KIF3A: variants seen among roughly 807,000 people sequenced by gnomAD.
KIF3A encodes the protein kinesin family member 3A.
A neutral mutation model predicts 92.6 loss-of-function variants in KIF3A; 27 were observed. The ratio of observed to expected loss-of-function variants is 0.29; its 90% confidence interval spans 0.21 to 0.40. The LOEUF (loss-of-function observed/expected upper bound fraction) is 0.40, where lower values mean the gene tolerates loss of function less well. KIF3A is among the 10% of genes least tolerant of loss of function. The pLI is 1.00. For missense variants in KIF3A, 581 were observed against 872.6 expected (o/e 0.67, Z 4.21); for synonymous variants, 250 against 275.4 (o/e 0.91, Z 0.92).
At chr5:132,711,185 A>ATT in intron 8 of KIF3A, 128 bp from the exon 9 acceptor site, 6 of 767,152 alleles carry the variant, frequency 7.8e-6, no homozygotes, top group Non-Finnish European at 1.1e-5. Context: ...TACTATTTAA[A>ATT]TGCTCCTAGA....
chr5:132,688,992 CGTGTTTGG>C (rs1752604537), downstream of KIF3A, among the ~76,000 whole-genome samples: 1 of 152,116 alleles, frequency 6.6e-6, no homozygotes, highest in African/African-American at 2.4e-5. Flanking sequence ...GAGCCATAAA[CGTGTTTGG>C]GTGAGACAAT....
intron 15 of KIF3A, among the ~76,000 whole-genome samples, chr5:132,701,180 A>T (rs1373086835): frequency 6.6e-6 from 1 of 152,072 alleles, no homozygotes; most frequent in Non-Finnish European, 1.5e-5. Context: ...ATTTCTTAAA[A>T]CTGTATTGAG....
At chr5:132,737,327 G>A (rs978622983) in intron 1 of KIF3A, 87 bp downstream of exon 1, 5 of 1,456,432 alleles carry the variant, frequency 3.4e-6, no homozygotes, top group East Asian at 5.4e-5. Context: ...CCGCCTGCCG[G>A]CTCCGCGCCT....
chr5:132,729,407 G>A (rs1310980707), intron 2 of KIF3A, among the ~76,000 whole-genome samples: 1 of 152,082 alleles, frequency 6.6e-6, no homozygotes, highest in African/African-American at 2.4e-5. Flanking sequence ...AGCCGTTATA[G>A]TGCCACTGCA....
chr5:132,708,160 T>C (rs1581072867), intron 10 of KIF3A, among the ~76,000 whole-genome samples: 1 of 151,808 alleles, frequency 6.6e-6, no homozygotes, highest in Middle Eastern at 3.4e-3. Flanking sequence ...CGGGCACCTG[T>C]AGTCCTAGCT....
chr5:132,698,946 C>A (rs561473260), intron 18 of KIF3A, among the ~76,000 whole-genome samples: 14 of 152,126 alleles, frequency 9.2e-5, no homozygotes, highest in Non-Finnish European at 1.8e-4. Flanking sequence ...CTATGTTAGC[C>A]AGGCTGGTCT....
chr5:132,734,385 T>G lies in KIF3A; in HGVS notation c.100A>C (p.Lys34Gln). ...ATCTCATCCACACTGACAGCCTGTT[T>G]GTAGCACATTGATTTCTCTCTCTCA... ...LNEREKSMCY[K>Q]QAVSVDEMRG... Residue 34 changes from lysine to glutamine, a missense_variant, in exon 2 of 19, where the codon AAA (lysine) becomes CAA (glutamine). Coordinates refer to ENST00000403231, the MANE Select transcript of KIF3A (RefSeq NM_001300791.2). 1 of 1,614,180 alleles carries G rather than the reference T, an allele frequency of 6.2e-7. No homozygotes were observed. Among genetic ancestry groups the G allele is most frequent in the Non-Finnish European group, 8.5e-7 (1 of 1,180,024 alleles).
rs1273690884 is a variant in KIF3A at position 132,715,738 on chromosome 5, T to C, written c.1129+19A>G. 2 of 1,577,898 alleles carry C rather than the reference T, an allele frequency of 1.3e-6. No homozygotes were observed. Among genetic ancestry groups the C allele is most frequent in the Non-Finnish European group, 1.7e-6 (2 of 1,154,080 alleles). On this transcript the variant is annotated intron_variant, in intron 8 of 18. Coordinates refer to ENST00000403231, the MANE Select transcript of KIF3A (RefSeq NM_001300791.2). ...TATTTTTAGCCAACATAAAGATTAA[T>C]ATTTTGAGGAAAAGCTACCTTCTTC...
chr5:132,716,928 T>C lies in KIF3A; in HGVS notation c.673A>G (p.Thr225Ala). 1 of 1,613,978 alleles carries C rather than the reference T, an allele frequency of 6.2e-7. No individual in the cohort carries two copies. The highest frequency in any genetic ancestry group is 8.5e-7 in the Non-Finnish European group (1 of 1,179,878). The change falls in exon 6 of 19, where the codon ACA becomes GCA. Residue 225 changes from threonine to alanine, a missense_variant. Physicochemically the swap from Thr to Ala is moderately conservative, Grantham distance 58. Coordinates refer to ENST00000403231, the MANE Select transcript of KIF3A (RefSeq NM_001300791.2). Reference protein sequence around the residue: ...EHSSRSHAIFTITIECSEKGI... With the variant: ...EHSSRSHAIFAITIECSEKGI... ...TTTTCACTGCATTCTATAGTAATTG[T>C]AAAGATGGCATGGGAACGGGAACTA...
At chr5:132,700,784 CAT>C (rs1753009873) in intron 15 of KIF3A, 84 bp from the exon 16 acceptor site, 9 of 806,090 alleles carry the variant, frequency 1.1e-5, no homozygotes, top group Middle Eastern at 3.4e-4. Context: ...ATCTTAATAA[CAT>C]TGAGTAATAA....
Position 132,693,465 on chromosome 5 carries a change from C to T in KIF3A, c.*3169G>A, listed in dbSNP as rs2149887331. 6.5e-6 allele frequency: 1 copy of T among 152,800 alleles called. No homozygotes were observed. Among genetic ancestry groups the T allele is most frequent in the Non-Finnish European group, 1.5e-5 (1 of 68,010 alleles). 9.5% of individuals were successfully genotyped at this position (152,800 alleles called of 1,614,324 possible). On this transcript the variant is annotated 3_prime_UTR_variant, in exon 19 of 19. Transcript: ENST00000403231. ...GGAAAAGAGAATACCCATTCAATAA[C>T]CTATTTATATATATGTGCCACTCAT...
chr5:132,699,898 C>A (rs966789910), intron 17 of KIF3A, among the ~76,000 whole-genome samples: 4 of 152,044 alleles, frequency 2.6e-5, no homozygotes, highest in Non-Finnish European at 4.4e-5. Context: ...CTAGAACTAG[C>A]TTTGAAGAGA....
At chr5:132,697,952 C>T (rs1752894229) in intron 18 of KIF3A, 1 of 152,150 alleles carries the variant, frequency 6.6e-6, no homozygotes, top group South Asian at 2.1e-4. Flanking sequence ...AAAAAAGATA[C>T]ATCTAAAGGG....
At chr5:132,728,213 T>C (rs889107855) in intron 2 of KIF3A, among the ~76,000 whole-genome samples, 1 of 152,136 alleles carries the variant, frequency 6.6e-6, no homozygotes. Flanking sequence ...ACATGCTTTT[T>C]TTTTAAGAGA....
intron 4 of KIF3A, 131 bp downstream of exon 4, chr5:132,725,997 G>A (rs1448964446): frequency 3.6e-6 from 2 of 556,850 alleles, no homozygotes; most frequent in African/African-American, 1.9e-5. Context: ...GCAGATGTAC[G>A]ACATTATATA....
At chr5:132,710,938 A>T (rs745796607) in intron 9 of KIF3A, 21 bp downstream of exon 9, 1 of 1,613,790 alleles carries the variant, frequency 6.2e-7, no homozygotes, top group Non-Finnish European at 8.5e-7. Context: ...TCTACAAATC[A>T]GATTACTAAA....
At chr5:132,706,943 A>G (rs961392748) in intron 10 of KIF3A, among the ~76,000 whole-genome samples, 2 of 152,336 alleles carry the variant, frequency 1.3e-5, no homozygotes, top group Middle Eastern at 6.8e-3. Flanking sequence ...TATTTCTTTT[A>G]GTATATGGAT....
At chr5:132,734,060 T>C in intron 2 of KIF3A, 145 bp downstream of exon 2, 1 of 662,268 alleles carries the variant, frequency 1.5e-6, no homozygotes, top group African/African-American at 1.8e-5. Context: ...ATGACAAGGG[T>C]GTTCTAAAGC....
chr5:132,731,288 A>C (rs928387310), intron 2 of KIF3A, among the ~76,000 whole-genome samples: 2 of 152,208 alleles, frequency 1.3e-5, no homozygotes, highest in African/African-American at 4.8e-5. Flanking sequence ...TTAGCAAATA[A>C]ATCTAACAAT....
Sources: allele counts gnomAD v4.1 joint callset (sites outside exome capture counted in the v4.1 genomes callset), GRCh38; gene constraint gnomAD v4.1.1; transcripts MANE v1.5; gene names NCBI Gene and HGNC (gene_info 2026-07-23, HGNC 2026-07-21).